RBMS3: variants seen among roughly 807,000 people sequenced by gnomAD.
RBMS3 encodes the protein RNA-binding motif, single-stranded-interacting protein 3.
RBMS3 carries 27 observed loss-of-function variants against 66.8 expected under a neutral mutation model. The observed-to-expected ratio is 0.40, with a 90% CI of 0.30 to 0.56. The LOEUF (loss-of-function observed/expected upper bound fraction) is 0.56, where lower values mean the gene tolerates loss of function less well. Among genes scored for constraint, RBMS3 ranks in the 20% least tolerant of loss-of-function variants. The pLI, the probability that RBMS3 is intolerant of heterozygous loss-of-function variation, is 0.40. For missense variants in RBMS3, 513 were observed against 549.5 expected (o/e 0.93, Z 0.66); for synonymous variants, 188 against 183.0 (o/e 1.03, Z -0.22).
intron 2 of RBMS3, among the ~76,000 whole-genome samples, chr3:29,481,747 G>T (rs1161033273): frequency 1.3e-5 from 2 of 152,100 alleles, no homozygotes; most frequent in African/African-American, 2.4e-5. Context: ...TGCTTCCTTG[G>T]GGCCTCTAGA....
chr3:29,314,061 G>A (rs1256709536), intron 1 of RBMS3, among the ~76,000 whole-genome samples: 2 of 150,992 alleles, frequency 1.3e-5, no homozygotes, highest in African/African-American at 2.4e-5. Context: ...CTGTGGTGGT[G>A]GAGGTATAGG....
intron 1 of RBMS3, among the ~76,000 whole-genome samples, chr3:29,418,564 G>T (rs1006906379): frequency 6.6e-6 from 1 of 152,038 alleles, no homozygotes. Flanking sequence ...CCAATGGTGG[G>T]TGTGCTAGAA....
At chr3:29,615,733 A>G (rs781105503) in intron 4 of RBMS3, among the ~76,000 whole-genome samples, 1 of 152,154 alleles carries the variant, frequency 6.6e-6, no homozygotes, top group Non-Finnish European at 1.5e-5. Flanking sequence ...GAGTTCCATA[A>G]TTTTGAATTC....
intron 12 of RBMS3, among the ~76,000 whole-genome samples, chr3:29,954,628 G>A (rs1283335325): frequency 6.6e-6 from 1 of 151,904 alleles, no homozygotes; most frequent in African/African-American, 2.4e-5. Flanking sequence ...AGCCAATGGT[G>A]CTTAAAACCT....
chr3:29,477,527 A>G (rs559174438), intron 2 of RBMS3, among the ~76,000 whole-genome samples: 1 of 152,324 alleles, frequency 6.6e-6, no homozygotes, highest in African/African-American at 2.4e-5. Context: ...TGTTAGGATA[A>G]GAAAAGATAC....
intron 3 of RBMS3, among the ~76,000 whole-genome samples, chr3:29,515,730 G>A (rs115773252): frequency 1.5e-3 from 230 of 152,316 alleles, no homozygotes; most frequent in Non-Finnish European, 2.5e-3. Flanking sequence ...TCCTGCCTTT[G>A]CCTTGTGGTT....
intron 1 of RBMS3, among the ~76,000 whole-genome samples, chr3:29,305,046 G>A (rs1486921581): frequency 6.6e-6 from 1 of 151,648 alleles, no homozygotes; most frequent in Non-Finnish European, 1.5e-5. Context: ...TTCCAGTCAC[G>A]ATGGCCTTCT....
At chr3:29,547,113 C>T (rs983532403) in intron 3 of RBMS3, among the ~76,000 whole-genome samples, 1 of 152,078 alleles carries the variant, frequency 6.6e-6, no homozygotes, top group Non-Finnish European at 1.5e-5. Context: ...GTAGCTGGGA[C>T]TACAGGCACA....
At chr3:29,409,102 A>T (rs754602253) in intron 1 of RBMS3, among the ~76,000 whole-genome samples, 7 of 152,382 alleles carry the variant, frequency 4.6e-5, no homozygotes, top group Admixed American at 3.3e-4. Context: ...TTAGCTGTCC[A>T]TTAGAATCTC....
At chr3:29,902,141 G>A (rs989430007) in intron 10 of RBMS3, among the ~76,000 whole-genome samples, 1 of 151,742 alleles carries the variant, frequency 6.6e-6, no homozygotes, top group Non-Finnish European at 1.5e-5. Context: ...TTTTAGCAAG[G>A]GGGTATTGAG....
chr3:29,593,164 T>C (rs371504278), intron 4 of RBMS3, among the ~76,000 whole-genome samples: 21 of 152,004 alleles, frequency 1.4e-4, no homozygotes, highest in African/African-American at 4.8e-4. Context: ...TAAAGTATAA[T>C]AAAAAAAGGA....
intron 4 of RBMS3, among the ~76,000 whole-genome samples, chr3:29,695,135 A>G (rs867184916): frequency 6.6e-6 from 1 of 152,058 alleles, no homozygotes; most frequent in African/African-American, 2.4e-5. Flanking sequence ...TTTTACTCTT[A>G]CTACTACTGT....
intron 6 of RBMS3, among the ~76,000 whole-genome samples, chr3:29,794,003 C>T (rs2057096114): frequency 1.3e-5 from 2 of 152,138 alleles, no homozygotes; most frequent in Non-Finnish European, 2.9e-5. Flanking sequence ...CTCTCTTGCT[C>T]CTATTCTTGC....
intron 14 of RBMS3, among the ~76,000 whole-genome samples, chr3:29,997,450 G>A (rs903407618): frequency 6.7e-6 from 1 of 148,950 alleles, no homozygotes. Context: ...CCAAAGCCGG[G>A]CAGAGACACA....
At chr3:29,929,558 AT>A (rs377434996) in intron 10 of RBMS3, among the ~76,000 whole-genome samples, 186 of 151,164 alleles carry the variant, frequency 1.2e-3, no homozygotes, top group African/African-American at 4.3e-3. Flanking sequence ...GCTAAAACTA[AT>A]TTGGCTTTAG....
chr3:29,745,534 A>G (rs575557254), intron 5 of RBMS3, among the ~76,000 whole-genome samples: 1 of 152,126 alleles, frequency 6.6e-6, no homozygotes, highest in East Asian at 1.9e-4. Flanking sequence ...CAAAAATCAC[A>G]TTGAGAGGGT....
chr3:29,630,265 G>C (rs2049236008), intron 4 of RBMS3, among the ~76,000 whole-genome samples: 1 of 152,004 alleles, frequency 6.6e-6, no homozygotes, highest in African/African-American at 2.4e-5. Context: ...CTGTCGTACA[G>C]CATAGAAAAG....
intron 3 of RBMS3, among the ~76,000 whole-genome samples, chr3:29,560,883 T>G (rs2046526363): frequency 1.3e-5 from 2 of 152,188 alleles, no homozygotes; most frequent in South Asian, 4.1e-4. Flanking sequence ...GGTTCTCTTC[T>G]TTCTCCCACC....
chr3:29,706,015 A>G (rs2052874376), intron 4 of RBMS3, among the ~76,000 whole-genome samples: 1 of 152,186 alleles, frequency 6.6e-6, no homozygotes, highest in Non-Finnish European at 1.5e-5. Flanking sequence ...TGTCATTCAC[A>G]TCAAGCTGGT....
Sources: allele counts gnomAD v4.1 joint callset (sites outside exome capture counted in the v4.1 genomes callset), GRCh38; gene constraint gnomAD v4.1.1; transcripts MANE v1.5; gene names NCBI Gene and HGNC (gene_info 2026-07-23, HGNC 2026-07-21).